Variants in VGLL4 observed in about 807,000 individuals in gnomAD.
VGLL4 encodes the protein vestigial like family member 4, also known as transcription cofactor vestigial-like protein 4.
In VGLL4, 7 loss-of-function variants were observed where a neutral mutation model predicts 21.0. The ratio of observed to expected loss-of-function variants is 0.33; its 90% CI spans 0.19 to 0.63. The LOEUF (loss-of-function observed/expected upper bound fraction) is 0.63. Among genes scored for constraint, VGLL4 ranks in the 20% least tolerant of loss-of-function variants. The pLI is 0.78. For missense variants in VGLL4, 394 were observed against 425.7 expected (o/e 0.93, Z 0.66); for synonymous variants, 222 against 173.2 (o/e 1.28, Z -2.21).
chr3:11,665,402 C>T (rs1009922823), intron 2 of VGLL4, among the ~76,000 whole-genome samples: 3 of 152,118 alleles, frequency 2.0e-5, no homozygotes, highest in Non-Finnish European at 4.4e-5. Flanking sequence ...CCTGAGCCAC[C>T]GCGCCCGGCC....
chr3:11,629,315 A>C (rs1465363988), intron 1 of VGLL4, among the ~76,000 whole-genome samples: 3 of 152,186 alleles, frequency 2.0e-5, no homozygotes. Context: ...GTATTCAAAA[A>C]TAAAAGCAGA....
chr3:11,568,072 C>A lies in VGLL4; in HGVS notation c.273-3053G>T, dbSNP rs1297606819. Reference sequence around the variant, plus strand: ...CCCTGCCTTCTCATGGGCTTACAATCTAGCAGGGACAGAAAGGCCCGGGAG... The same window carrying A: ...CCCTGCCTTCTCATGGGCTTACAATATAGCAGGGACAGAAAGGCCCGGGAG... On this transcript the variant is annotated intron_variant, in intron 2 of 4. Coordinates refer to ENST00000430365, the MANE Select transcript of VGLL4 (RefSeq NM_001128219.3). This position sits in a 1 kb window ranked among gnomAD's most constrained non-coding sequence, Gnocchi z 5.9. 6.6e-6 allele frequency among the ~76,000 whole-genome samples: 1 copy of A among 152,234 alleles called. No homozygotes were observed. Among genetic ancestry groups the A allele is most frequent in the South Asian group, 2.1e-4 (1 of 4,824 alleles).
intron 1 of VGLL4, among the ~76,000 whole-genome samples, chr3:11,627,119 T>A (rs983749211): frequency 6.6e-6 from 1 of 150,664 alleles, no homozygotes; most frequent in Non-Finnish European, 1.5e-5. Context: ...GGCTTCAGAA[T>A]GACAGAGAAA....
chr3:11,571,864 T>G (rs547819993), intron 2 of VGLL4, among the ~76,000 whole-genome samples: 8 of 152,160 alleles, frequency 5.3e-5, no homozygotes, highest in African/African-American at 1.4e-4. Context: ...CTCATCACTT[T>G]GGGAGGCCGA....
intron 1 of VGLL4, among the ~76,000 whole-genome samples, chr3:11,705,699 TAA>T (rs2076749773): frequency 6.6e-6 from 1 of 152,226 alleles, no homozygotes; most frequent in African/African-American, 2.4e-5. Flanking sequence ...GATCTGGGTT[TAA>T]AGTCTTGTGA....
intron 2 of VGLL4, among the ~76,000 whole-genome samples, chr3:11,689,370 C>T (rs1344313397): frequency 1.3e-4 from 20 of 152,266 alleles, no homozygotes; most frequent in East Asian, 7.7e-4. Context: ...CAATGTTTTG[C>T]TCTCTATCTT....
At chr3:11,632,297 A>C (rs752122432) in intron 1 of VGLL4, among the ~76,000 whole-genome samples, 3 of 148,720 alleles carry the variant, frequency 2.0e-5, no homozygotes, top group Non-Finnish European at 4.4e-5. Context: ...TGGGTGACAG[A>C]GCAACACTCT....
At chr3:11,670,065 A>G (rs1398375364) in intron 2 of VGLL4, among the ~76,000 whole-genome samples, 2 of 152,078 alleles carry the variant, frequency 1.3e-5, no homozygotes, top group Non-Finnish European at 1.5e-5. Context: ...CATGTTTTCA[A>G]GAATGCATTA....
chr3:11,717,490 A>ATTTTTTTTTT lies in VGLL4; in HGVS notation c.-14+2894_-14+2903dup, dbSNP rs60921966. Among the ~76,000 whole-genome samples, 44 of 72,948 alleles carry ATTTTTTTTTT rather than the reference A, an allele frequency of 6.0e-4. 4 individuals carry two copies. Among genetic ancestry groups the ATTTTTTTTTT allele is most frequent in the African/African-American group, 2.5e-3 (39 of 15,384 alleles). 47.9% of individuals were successfully genotyped at this position (72,948 alleles called of 152,430 possible). A position where few individuals can be genotyped will look rare whatever the true frequency, so the allele number is the denominator to read the frequency against. ...AGTTAAGAGGAATTTCCCACTACAG[A>ATTTTTTTTTT]TTTTTTTTTTTTTTTTTTTTTTTTG... On this transcript the variant is annotated intron_variant, in intron 1 of 5. Coordinates refer to the VGLL4 transcript ENST00000273038.
At chr3:11,572,222 A>T (rs1049727809) in intron 2 of VGLL4, among the ~76,000 whole-genome samples, 4 of 152,192 alleles carry the variant, frequency 2.6e-5, no homozygotes, top group Non-Finnish European at 5.9e-5. Flanking sequence ...CATCTTAGTA[A>T]ATTCACTGCC....
chr3:11,656,433 T>C (rs994793132), intron 2 of VGLL4, among the ~76,000 whole-genome samples: 1 of 152,152 alleles, frequency 6.6e-6, no homozygotes, highest in African/African-American at 2.4e-5. Flanking sequence ...GGGGTGCTGG[T>C]GTTGGCAGGG....
chr3:11,650,761 C>T (rs1326047361), intron 2 of VGLL4, among the ~76,000 whole-genome samples: 5 of 148,354 alleles, frequency 3.4e-5, no homozygotes, highest in Non-Finnish European at 7.5e-5. Context: ...ACACTTTAAC[C>T]TGATGTAAAT....
intron 1 of VGLL4, 112 bp downstream of exon 1, chr3:11,643,324 GT>G: frequency 6.6e-7 from 1 of 1,522,678 alleles, no homozygotes. Flanking sequence ...GGCCTTTCAA[GT>G]GCCCTACACC....
chr3:11,559,797 C>T (rs116658315), intron 3 of VGLL4, among the ~76,000 whole-genome samples: 2,204 of 152,250 alleles, frequency 0.014, 48 homozygotes, highest in African/African-American at 0.047. Flanking sequence ...GGAGGGACCT[C>T]GATTCTCCCG....
chr3:11,582,686 G>C (rs1164596191), intron 2 of VGLL4, among the ~76,000 whole-genome samples: 1 of 152,180 alleles, frequency 6.6e-6, no homozygotes, highest in East Asian at 1.9e-4. Context: ...TAAGGCTAAA[G>C]AAAACACAGG....
chr3:11,641,725 T>C (rs1236344640), intron 1 of VGLL4, among the ~76,000 whole-genome samples: 1 of 152,084 alleles, frequency 6.6e-6, no homozygotes, highest in Non-Finnish European at 1.5e-5. Flanking sequence ...TACTCAATCT[T>C]CAAAATCAAA....
chr3:11,612,355 TTGAG>T (rs2075079219), intron 1 of VGLL4, among the ~76,000 whole-genome samples: 1 of 152,200 alleles, frequency 6.6e-6, no homozygotes, highest in East Asian at 1.9e-4. Flanking sequence ...CTCCGTGGAA[TTGAG>T]TAAGTGGGGT....
intron 2 of VGLL4, among the ~76,000 whole-genome samples, chr3:11,649,265 A>T (rs949271864): frequency 2.0e-5 from 3 of 152,224 alleles, no homozygotes; most frequent in Non-Finnish European, 2.9e-5. Context: ...AAACAATAAA[A>T]ATCGGATATA....
intron 1 of VGLL4, among the ~76,000 whole-genome samples, chr3:11,619,569 C>A (rs55837849): frequency 6.6e-6 from 1 of 152,128 alleles, no homozygotes; most frequent in Non-Finnish European, 1.5e-5. Flanking sequence ...GGTGGGCTAA[C>A]GCAGAACACT....
Sources: gnomAD v4.1 joint callset for allele counts (sites outside exome capture counted in the v4.1 genomes callset) on GRCh38, gnomAD v4.1.1 for gene constraint, Gnocchi (gnomAD v3.1) non-coding constraint, MANE v1.5 for transcripts, NCBI Gene and HGNC (gene_info 2026-07-23, HGNC 2026-07-21) for gene names.